ADCY3: variants seen among roughly 807,000 people sequenced by gnomAD.
ADCY3 encodes the protein adenylate cyclase type 3.
A neutral mutation model predicts 119.4 loss-of-function variants in ADCY3; 70 were observed. The observed-to-expected ratio is 0.59, with a 90% confidence interval of 0.48 to 0.72. The LOEUF is 0.72. Ranked by LOEUF, ADCY3 falls within the 30% of genes least tolerant of loss-of-function variation. The pLI, the probability that ADCY3 is intolerant of heterozygous loss-of-function variation, is 0.00. For synonymous variants in ADCY3, 672 were observed against 621.4 expected (o/e 1.08, Z -1.21); for missense variants, 1,238 against 1,541.6 (o/e 0.80, Z 3.30).
intron 3 of ADCY3, among the ~76,000 whole-genome samples, chr2:24,843,686 C>A (rs181295013): frequency 6.6e-6 from 1 of 152,180 alleles, no homozygotes; most frequent in Admixed American, 6.5e-5. Flanking sequence ...AGAGGAAGAG[C>A]GGCAGATATG....
intron 3 of ADCY3, among the ~76,000 whole-genome samples, chr2:24,869,588 T>C (rs1372550427): frequency 6.6e-6 from 1 of 151,990 alleles, no homozygotes; most frequent in Non-Finnish European, 1.5e-5. Flanking sequence ...TAATTTTTTG[T>C]AGAGATGGGG....
At chr2:24,887,332 CA>C (rs1043144708) in intron 2 of ADCY3, among the ~76,000 whole-genome samples, 1 of 152,162 alleles carries the variant, frequency 6.6e-6, no homozygotes, top group Admixed American at 6.5e-5. Flanking sequence ...ATGGAGATTA[CA>C]ATTCAAGATG....
Position 24,838,547 on chromosome 2 carries a change from G to T in ADCY3, c.1431C>A (p.Ser477Arg). Residue 477 changes from serine to arginine, a missense_variant, in exon 8 of 22, where the codon AGC (serine) becomes AGA (arginine). Transcript: ENST00000679454. ...CCTTCTCTTCTAGGTAATCACAGCG[G>T]CTGCCCCCATCGCCTGGCTCCACAT... is the stretch of plus-strand genomic sequence containing the variant. ...EFDVEPGDGG[S>R]RCDYLEEKGI... 1 of 1,614,142 alleles carries T rather than the reference G, an allele frequency of 6.2e-7. No homozygotes were observed. The highest frequency in any genetic ancestry group is 1.1e-5 in the South Asian group (1 of 91,082).
In ADCY3 at chr2:24,839,726, A is replaced by T. The variant is rs552955252; in HGVS notation, c.1355+147T>A. On this transcript the variant is annotated intron_variant, in intron 7 of 21. Transcript: ENST00000679454. ...AACGGCCTTAGCCAGGGCCAGGACC[A>T]GGGCGAGACAGGAGGAATGCTGTTC... 53 of 1,187,204 alleles carry T rather than the reference A, an allele frequency of 4.5e-5. No individual in the cohort carries two copies. In the African/African-American group the frequency reaches 7.7e-4, roughly 17 times the overall value. 73.5% of individuals were successfully genotyped at this position (1,187,204 alleles called of 1,614,324 possible). A position where few individuals can be genotyped will look rare whatever the true frequency, so the allele number is the denominator to read the frequency against.
At chr2:24,824,654 C>G (rs1186389238) in intron 16 of ADCY3, 118 bp from the exon 17 acceptor site, 1 of 1,122,438 alleles carries the variant, frequency 8.9e-7, no homozygotes, top group South Asian at 1.5e-5. Context: ...TTTGGGAGGC[C>G]GAGGCAGGCG....
At chr2:24,837,196 GGAT>G in intron 8 of ADCY3, 151 bp from the exon 9 acceptor site, 1 of 940,666 alleles carries the variant, frequency 1.1e-6, no homozygotes, top group South Asian at 1.8e-5. Context: ...GAGGCGTCAA[GGAT>G]GATTTCAAAC....
At chr2:24,822,680 G>A in intron 18 of ADCY3, 50 bp from the exon 19 acceptor site, 1 of 1,601,082 alleles carries the variant, frequency 6.2e-7, no homozygotes, top group Non-Finnish European at 8.5e-7. Context: ...GGAGAGGAAT[G>A]ACCCAACCCA....
At chr2:24,886,388 C>T (rs1457523821) in intron 2 of ADCY3, among the ~76,000 whole-genome samples, 1 of 152,238 alleles carries the variant, frequency 6.6e-6, no homozygotes. Flanking sequence ...CTAGCTGAAC[C>T]CCGCCTCCTC....
In ADCY3 at chr2:24,872,249, A is replaced by G. The variant is rs1675110957; in HGVS notation, c.825+321T>C. ...ATCTGAGAAAGGAATGCAGGAAGTCATAGCTGGCTGCTTGGGCAATGCATT... is the reference window on the plus strand; with the variant it reads ...ATCTGAGAAAGGAATGCAGGAAGTCGTAGCTGGCTGCTTGGGCAATGCATT... On this transcript the variant is annotated intron_variant, in intron 3 of 21. Coordinates refer to ENST00000679454, the MANE Select transcript of ADCY3 (RefSeq NM_004036.5). This position sits in a 1 kb window ranked among gnomAD's most constrained non-coding sequence, Gnocchi z 4.4. Among the ~76,000 whole-genome samples the G allele has an allele frequency of 6.6e-6, 1 of 152,232 alleles. No individual in the cohort carries two copies. Among genetic ancestry groups the G allele is most frequent in the Admixed American group, 6.5e-5 (1 of 15,288 alleles).
intron 3 of ADCY3, among the ~76,000 whole-genome samples, chr2:24,846,060 G>A (rs961089961): frequency 2.1e-4 from 32 of 152,260 alleles, no homozygotes; most frequent in African/African-American, 7.5e-4. Context: ...GGTAATGCCT[G>A]GATGTCCAAG....
chr2:24,856,985 G>A (rs1000861709), intron 3 of ADCY3, among the ~76,000 whole-genome samples: 9 of 152,232 alleles, frequency 5.9e-5, no homozygotes, highest in African/African-American at 2.2e-4. Context: ...CACCAGACCA[G>A]TGTCCCCAGA....
chr2:24,835,423 G>T (rs1005082070), intron 9 of ADCY3, among the ~76,000 whole-genome samples: 2 of 152,218 alleles, frequency 1.3e-5, no homozygotes, highest in Non-Finnish European at 2.9e-5. Flanking sequence ...GGAAAGTGAT[G>T]GGAGAGAGAA....
intron 8 of ADCY3, 78 bp from the exon 9 acceptor site, chr2:24,837,123 G>A (rs985820244): frequency 5.1e-5 from 75 of 1,474,920 alleles, no homozygotes; most frequent in Middle Eastern, 1.8e-4. Context: ...TGACAAGGGC[G>A]TGGGAGGCGG....
At chr2:24,884,579 G>T (rs902314178) in intron 2 of ADCY3, among the ~76,000 whole-genome samples, 1 of 146,166 alleles carries the variant, frequency 6.8e-6, no homozygotes, top group Non-Finnish European at 1.5e-5. Context: ...AGGTTCAAGC[G>T]ATTCTTCTGC....
chr2:24,836,042 A>C (rs926923266), intron 9 of ADCY3, among the ~76,000 whole-genome samples: 1 of 152,106 alleles, frequency 6.6e-6, no homozygotes, highest in African/African-American at 2.4e-5. Context: ...CCCCTTCTGT[A>C]AAATCACGTG....
intron 3 of ADCY3, among the ~76,000 whole-genome samples, chr2:24,844,443 G>A (rs1671433162): frequency 6.6e-6 from 1 of 152,126 alleles, no homozygotes; most frequent in Admixed American, 6.5e-5. Context: ...GACAAGGCCT[G>A]GGCAGGGGGG....
At position 24,831,897 on chromosome 2, in the gene ADCY3, GGGACAGC is replaced by G. The variant is rs1381094503; in HGVS notation, c.1968-155_1968-149del. 3.6e-4 allele frequency: 192 copies of G among 532,774 alleles called. 1 individual carries two copies. In the African/African-American group the frequency reaches 3.9e-3, roughly 11 times the overall value. 33.0% of individuals were successfully genotyped at this position (532,774 alleles called of 1,614,324 possible). On this transcript the variant is annotated intron_variant, in intron 11 of 21. Transcript: ENST00000679454. ...ACAGTGGACAGGGGCCAGGGGGCAG[GGGACAGC>G]GGACAGGGGCCAGGGGACAGCGGAC... is the stretch of plus-strand genomic sequence containing the variant.
chr2:24,919,081 G>A lies in ADCY3; in HGVS notation c.-94C>T. 7.4e-7 allele frequency: 1 copy of A among 1,344,796 alleles called. No homozygotes were observed. The highest frequency in any genetic ancestry group is 1.5e-5 in the South Asian group (1 of 66,150). The allele number at this position is 1,344,796 out of a possible 1,614,324, so 83.3% of individuals were successfully genotyped here. On this transcript the variant is annotated 5_prime_UTR_variant, in exon 2 of 22. Coordinates refer to ENST00000679454, the MANE Select transcript of ADCY3 (RefSeq NM_004036.5). The surrounding 1 kb of genome is among the most constrained non-coding windows in gnomAD (Gnocchi z 5.5). The stretch of plus-strand genomic sequence containing the variant: ...CTCCTCTCAGGGCTCTCTGAGACCG[G>A]GGGAGGGCTGAGGGCCTCTTCTTGT...
intron 9 of ADCY3, among the ~76,000 whole-genome samples, chr2:24,835,426 A>G (rs763661115): frequency 3.3e-5 from 5 of 152,166 alleles, no homozygotes; most frequent in Non-Finnish European, 7.3e-5. Flanking sequence ...AAGTGATGGG[A>G]GAGAGAAGAA....
Sources: allele counts gnomAD v4.1 joint callset (sites outside exome capture counted in the v4.1 genomes callset), GRCh38; gene constraint gnomAD v4.1.1; non-coding constraint Gnocchi (gnomAD v3.1); transcripts MANE v1.5; gene names NCBI Gene and HGNC (gene_info 2026-07-23, HGNC 2026-07-21).